UBR2: variants seen among roughly 807,000 people sequenced by gnomAD.
UBR2 encodes E3 ubiquitin-protein ligase UBR2.
Under a neutral mutation model 247.9 loss-of-function variants are expected in UBR2, and 92 were observed. That is an observed-to-expected ratio of 0.37 (90% CI 0.31 to 0.44). The LOEUF is 0.44. UBR2 is among the 20% of genes least tolerant of loss of function. UBR2 has a pLI of 1.00. For missense variants in UBR2, 1,613 were observed against 2,112.6 expected (o/e 0.76, Z 4.64); for synonymous variants, 672 against 693.5 (o/e 0.97, Z 0.49).
At chr6:42,628,502 A>C (rs1795491785) in intron 11 of UBR2, among the ~76,000 whole-genome samples, 1 of 152,134 alleles carries the variant, frequency 6.6e-6, no homozygotes, top group South Asian at 2.1e-4. Flanking sequence ...TGGGAGGATC[A>C]CTTGAGGTCA....
intron 2 of UBR2, among the ~76,000 whole-genome samples, chr6:42,577,912 TTTTAC>T (rs989387804): frequency 1.8e-4 from 27 of 152,226 alleles, no homozygotes; most frequent in Non-Finnish European, 3.7e-4. Context: ...AGGCTTTTTT[TTTTAC>T]TTTAATAGTG....
At chr6:42,651,082 C>T (rs767912964) in intron 23 of UBR2, among the ~76,000 whole-genome samples, 9 of 152,016 alleles carry the variant, frequency 5.9e-5, no homozygotes, top group Non-Finnish European at 1.0e-4. Flanking sequence ...ATTAGCCAGG[C>T]ATGGTGTCAT....
At chr6:42,652,788 C>A in intron 25 of UBR2, 143 bp downstream of exon 25, 1 of 802,734 alleles carries the variant, frequency 1.2e-6, no homozygotes, top group Non-Finnish European at 1.9e-6. Flanking sequence ...GCTTTTGTGT[C>A]TGACAGTAAA....
chr6:42,692,502 T>C lies in UBR2; in HGVS notation c.*1329T>C, dbSNP rs1035380664. ...GATGTATGACTGCTGAGAGCTTGAA[T>C]ACATGCAGAGAGTGACTGAAGACTT... On this transcript the variant is annotated 3_prime_UTR_variant, in exon 47 of 47. Transcript: ENST00000372901. 6.6e-6 allele frequency: 1 copy of C among 152,232 alleles called. No individual in the cohort carries two copies. The allele number at this position is 152,232 out of a possible 1,614,324, so 9.4% of individuals were successfully genotyped here.
At chr6:42,608,593 A>G (rs1483827206) in intron 7 of UBR2, among the ~76,000 whole-genome samples, 1 of 152,186 alleles carries the variant, frequency 6.6e-6, no homozygotes, top group Non-Finnish European at 1.5e-5. Context: ...TTACACGAGT[A>G]CACTCTAGCC....
At chr6:42,601,887 T>TAGTAGAGATGAGG (rs1562298358) in intron 4 of UBR2, among the ~76,000 whole-genome samples, 24 of 133,606 alleles carry the variant, frequency 1.8e-4, no homozygotes, top group South Asian at 5.1e-4. Context: ...TTTTTTTTTT[T>TAGTAGAGATGAGG]TTGATGGAGT....
intron 11 of UBR2, among the ~76,000 whole-genome samples, chr6:42,619,130 C>T (rs1201688004): frequency 6.6e-6 from 1 of 151,842 alleles, no homozygotes; most frequent in Non-Finnish European, 1.5e-5. Flanking sequence ...CATCTTAAAT[C>T]CCATTTCATT....
rs1222545204 is a variant in UBR2 at position 42,691,018 on chromosome 6, T to G, written c.5127-14T>G. Reference sequence around the variant, plus strand: ...CAGAACACATTCTGAGTGACATGTGTCTTCTCTTTCTAGACGGGGAAATCC... The same window carrying G: ...CAGAACACATTCTGAGTGACATGTGGCTTCTCTTTCTAGACGGGGAAATCC... On this transcript the variant is annotated splice_polypyrimidine_tract_variant and intron_variant, in intron 46 of 46. Transcript: ENST00000372901. 1 of 1,613,124 alleles carries G rather than the reference T, an allele frequency of 6.2e-7. No homozygotes were observed. The highest frequency in any genetic ancestry group is 1.3e-5 in the African/African-American group (1 of 74,840).
At position 42,594,200 on chromosome 6, in the gene UBR2, T is replaced by A; in HGVS notation, c.427T>A (p.Ser143Thr). ...ACAATTTTTTTCCAAGATGACAACA[T>A]CAGGAGGTGGAGGTTTCTGTGACTG... ...HRDHRYRMTT[S>T]GGGGFCDCGD... The change falls in exon 4 of 47, where the codon TCA becomes ACA. Residue 143 changes from serine (S) to threonine (T), a missense_variant. Physicochemically the swap from Ser to Thr is moderately conservative, Grantham distance 58 (BLOSUM62 1). Coordinates refer to ENST00000372901, the MANE Select transcript of UBR2 (RefSeq NM_001363705.2). 3 of 1,611,652 alleles carry A rather than the reference T, an allele frequency of 1.9e-6. No individual in the cohort carries two copies. The highest frequency in any genetic ancestry group is 2.5e-6 in the Non-Finnish European group (3 of 1,178,608).
At chr6:42,614,737 G>T (rs1442489327) in intron 8 of UBR2, among the ~76,000 whole-genome samples, 1 of 151,888 alleles carries the variant, frequency 6.6e-6, no homozygotes, top group Admixed American at 6.6e-5. Flanking sequence ...ACTGTAATCT[G>T]GTTTAATTAG....
In UBR2 at chr6:42,688,370, G is replaced by C. The variant is rs1799563439; in HGVS notation, c.5008G>C (p.Val1670Leu). The C allele has an allele frequency of 2.5e-6, 4 of 1,613,334 alleles. No individual in the cohort carries two copies. Among genetic ancestry groups the C allele is most frequent in the Non-Finnish European group, 3.4e-6 (4 of 1,180,034 alleles). ...TAHTYSCGSGVGIFLRVRECQ... is the reference protein window; with the variant it reads ...TAHTYSCGSGLGIFLRVRECQ... The stretch of plus-strand genomic sequence containing the variant: ...TCACACCTACTCCTGTGGCTCTGGA[G>C]TGGGCATCTTCCTGAGGTAAGGACC... The change falls in exon 45 of 47, where the codon GTG (valine) becomes CTG (leucine). Residue 1670 changes from valine to leucine, a missense_variant. By Grantham distance (32) the Val-to-Leu change is conservative. Coordinates refer to ENST00000372901, the MANE Select transcript of UBR2 (RefSeq NM_001363705.2).
intron 37 of UBR2, 53 bp downstream of exon 37, chr6:42,673,940 T>C: frequency 6.8e-7 from 1 of 1,475,238 alleles, no homozygotes; most frequent in Non-Finnish European, 9.4e-7. Flanking sequence ...TCTGAAATTT[T>C]GTTTTTAATG....
intron 38 of UBR2, among the ~76,000 whole-genome samples, chr6:42,675,039 C>T (rs1187575379): frequency 3.3e-5 from 5 of 152,312 alleles, no homozygotes; most frequent in Non-Finnish European, 5.9e-5. Flanking sequence ...GAGTGCTGTG[C>T]CTTTATTCTC....
At chr6:42,564,441 C>CG in intron 1 of UBR2, 44 bp downstream of exon 1, 1 of 1,584,642 alleles carries the variant, frequency 6.3e-7, no homozygotes, top group Non-Finnish European at 8.6e-7. Flanking sequence ...CCTCGCAGGC[C>CG]GCGCCTGTGG....
At chr6:42,609,734 T>C (rs757152632) in intron 7 of UBR2, among the ~76,000 whole-genome samples, 72 of 147,024 alleles carry the variant, frequency 4.9e-4, no homozygotes, top group Non-Finnish European at 8.0e-4. Context: ...AAAAAAAAAA[T>C]AATAACAAAA....
At chr6:42,623,283 C>A (rs939824649) in intron 11 of UBR2, among the ~76,000 whole-genome samples, 1 of 152,034 alleles carries the variant, frequency 6.6e-6, no homozygotes, top group South Asian at 2.1e-4. Flanking sequence ...GAAATTTTCT[C>A]TATTCCTAGT....
intron 42 of UBR2, among the ~76,000 whole-genome samples, chr6:42,682,697 G>T (rs1025082610): frequency 2.6e-5 from 4 of 152,192 alleles, no homozygotes; most frequent in African/African-American, 9.7e-5. Flanking sequence ...AGGGATTACA[G>T]GCATGAGCAC....
intron 4 of UBR2, among the ~76,000 whole-genome samples, chr6:42,601,950 A>G (rs1428181014): frequency 2.2e-5 from 2 of 92,074 alleles, no homozygotes; most frequent in Non-Finnish European, 4.7e-5. Flanking sequence ...GTTCCCTGCA[A>G]CCTCCGTCTC....
chr6:42,650,454 C>A, intron 23 of UBR2, 68 bp downstream of exon 23: 1 of 1,338,416 alleles, frequency 7.5e-7, no homozygotes, highest in Non-Finnish European at 1.0e-6. Context: ...TGAGGTTTCA[C>A]CATGTTGCCC....
Sources: allele counts gnomAD v4.1 joint callset (sites outside exome capture counted in the v4.1 genomes callset), GRCh38; gene constraint gnomAD v4.1.1; transcripts MANE v1.5; gene names NCBI Gene and HGNC (gene_info 2026-07-23, HGNC 2026-07-21).